The following CTNND2 variants were observed in gnomAD, a reference collection of about 807,000 sequenced individuals.
CTNND2 encodes catenin delta-2.
A neutral mutation model predicts 144.4 loss-of-function variants in CTNND2; 22 were observed. The observed-to-expected ratio is 0.15, with a 90% CI of 0.11 to 0.22. CTNND2 has a LOEUF of 0.22. Ranked by LOEUF, CTNND2 falls within the 10% of genes least tolerant of loss-of-function variation. CTNND2 has a pLI of 1.00. For missense variants in CTNND2, 1,353 were observed against 1,618.8 expected, an observed-to-expected ratio of 0.84 and a Z score of 2.82; for synonymous variants, 751 against 695.6, an observed-to-expected ratio of 1.08 and a Z score of -1.25.
intron 3 of CTNND2, among the ~76,000 whole-genome samples, chr5:11,468,347 A>C (rs1766861219): frequency 1.3e-5 from 2 of 152,230 alleles, no homozygotes; most frequent in Non-Finnish European, 2.9e-5. Flanking sequence ...ATAAAACAGA[A>C]AATCATTAAG....
intron 3 of CTNND2, among the ~76,000 whole-genome samples, chr5:11,479,311 CT>C (rs1244061175): frequency 2.6e-5 from 4 of 152,298 alleles, no homozygotes; most frequent in East Asian, 1.9e-4. Flanking sequence ...CATCCATGTT[CT>C]GGCACAGGAT....
intron 2 of CTNND2, among the ~76,000 whole-genome samples, chr5:11,638,077 C>T (rs1781806733): frequency 6.6e-6 from 1 of 152,114 alleles, no homozygotes; most frequent in Non-Finnish European, 1.5e-5. Context: ...TTAATATATT[C>T]TTAGTACTTT....
At chr5:11,301,299 G>A (rs1013862809) in intron 9 of CTNND2, among the ~76,000 whole-genome samples, 3 of 152,058 alleles carry the variant, frequency 2.0e-5, no homozygotes, top group African/African-American at 7.2e-5. Flanking sequence ...TTACAGTCAT[G>A]AGCCACCGCG....
chr5:11,770,365 T>G (rs1789847340), intron 1 of CTNND2, among the ~76,000 whole-genome samples: 1 of 143,458 alleles, frequency 7.0e-6, no homozygotes, highest in Non-Finnish European at 1.5e-5. Context: ...CCTGAAATAC[T>G]ACTGAAGATT....
At chr5:11,651,922 T>C (rs1389965895) in intron 2 of CTNND2, among the ~76,000 whole-genome samples, 2 of 152,174 alleles carry the variant, frequency 1.3e-5, no homozygotes, top group East Asian at 1.9e-4. Context: ...AGAAGGGTCT[T>C]GACTAGTCTC....
intron 2 of CTNND2, among the ~76,000 whole-genome samples, chr5:11,714,765 C>G (rs768037058): frequency 6.6e-6 from 1 of 151,654 alleles, no homozygotes. Flanking sequence ...AAAAATTAGC[C>G]GGGCATGGTG....
At chr5:11,515,282 G>A (rs1200122226) in intron 3 of CTNND2, among the ~76,000 whole-genome samples, 1 of 152,132 alleles carries the variant, frequency 6.6e-6, no homozygotes, top group African/African-American at 2.4e-5. Flanking sequence ...ACACTGGAAG[G>A]TTAATGATGT....
At chr5:11,656,464 T>C (rs1390930562) in intron 2 of CTNND2, among the ~76,000 whole-genome samples, 1 of 151,616 alleles carries the variant, frequency 6.6e-6, no homozygotes, top group Non-Finnish European at 1.5e-5. Context: ...CTATGCAACC[T>C]CATTTTTGCC....
intron 9 of CTNND2, among the ~76,000 whole-genome samples, chr5:11,333,805 T>C (rs1753449955): frequency 6.6e-6 from 1 of 152,152 alleles, no homozygotes; most frequent in South Asian, 2.1e-4. Flanking sequence ...CATGGGCTGT[T>C]TGGACGTCCT....
chr5:11,200,739 C>T (rs1426167516), intron 10 of CTNND2, among the ~76,000 whole-genome samples: 2 of 152,096 alleles, frequency 1.3e-5, no homozygotes, highest in Non-Finnish European at 2.9e-5. Flanking sequence ...AGTGCAGTGG[C>T]GCCATCTCGG....
intron 1 of CTNND2, among the ~76,000 whole-genome samples, chr5:11,898,027 A>C (rs1257272010): frequency 1.3e-5 from 2 of 152,208 alleles, no homozygotes; most frequent in Non-Finnish European, 2.9e-5. Context: ...TGCAGAGAGC[A>C]AGGCTTGGCT....
intron 12 of CTNND2, among the ~76,000 whole-genome samples, chr5:11,151,481 A>T (rs1455991797): frequency 2.0e-5 from 3 of 152,244 alleles, no homozygotes; most frequent in Non-Finnish European, 4.4e-5. Context: ...ATAATTCACT[A>T]AACTTTTTCA....
intron 12 of CTNND2, among the ~76,000 whole-genome samples, chr5:11,142,338 A>C (rs931871380): frequency 1.3e-5 from 2 of 152,174 alleles, no homozygotes; most frequent in Admixed American, 1.3e-4. Context: ...GCCCTATTCC[A>C]CAGAGAAATT....
intron 9 of CTNND2, among the ~76,000 whole-genome samples, chr5:11,340,499 C>A (rs960627825): frequency 1.3e-5 from 2 of 152,160 alleles, no homozygotes; most frequent in African/African-American, 4.8e-5. Flanking sequence ...GCTGAGGACA[C>A]ATATGTCTGA....
intron 5 of CTNND2, among the ~76,000 whole-genome samples, chr5:11,403,220 C>T (rs865989338): frequency 2.6e-5 from 4 of 152,062 alleles, no homozygotes; most frequent in Admixed American, 1.3e-4. Flanking sequence ...CATCCTCCAT[C>T]GGGCCTTGTA....
rs767935367 is a variant in CTNND2 at position 11,588,905 on chromosome 5, G to A, written c.175-23849C>T. ...CCTCCCTCCTCCCTCCCTGCACCAC[G>A]GCTAAAAGGAACCACAGAGCAGCTC... On this transcript the variant is annotated intron_variant, in intron 2 of 21. Coordinates refer to ENST00000304623, the MANE Select transcript of CTNND2 (RefSeq NM_001332.4). The A allele has an allele frequency of 6.3e-5, 62 of 985,340 alleles. No homozygotes were observed. The Middle Eastern group carries it at 2.6e-3, about 41-fold the overall frequency. 61.0% of individuals were successfully genotyped at this position (985,340 alleles called of 1,614,324 possible). A position where few individuals can be genotyped will look rare whatever the true frequency, so the allele number is the denominator to read the frequency against.
chr5:11,237,695 A>G (rs887507653), intron 9 of CTNND2, among the ~76,000 whole-genome samples: 3 of 152,176 alleles, frequency 2.0e-5, no homozygotes, highest in African/African-American at 4.8e-5. Flanking sequence ...GGTCATATCT[A>G]TTCTAGTATA....
intron 1 of CTNND2, among the ~76,000 whole-genome samples, chr5:11,812,492 C>T (rs1297344488): frequency 6.6e-6 from 1 of 152,074 alleles, no homozygotes; most frequent in Non-Finnish European, 1.5e-5. Context: ...AGCATCAATT[C>T]CTTTTCTATC....
chr5:11,384,420 G>A lies in CTNND2; in HGVS notation c.1177+245C>T. 1 of 540,498 alleles carries A rather than the reference G, an allele frequency of 1.9e-6. No homozygotes were observed. Among genetic ancestry groups the A allele is most frequent in the Non-Finnish European group, 3.3e-6 (1 of 307,098 alleles). The allele number at this position is 540,498 out of a possible 1,614,324, so 33.5% of individuals were successfully genotyped here. Reference sequence around the variant, plus strand: ...GGGAGAGGGCAGAGAGAGAAGAGAGGAGAGAAGAGAGTGATATAGGTGTTA... The same window carrying A: ...GGGAGAGGGCAGAGAGAGAAGAGAGAAGAGAAGAGAGTGATATAGGTGTTA... On this transcript the variant is annotated intron_variant, in intron 7 of 21. Coordinates refer to ENST00000304623, the MANE Select transcript of CTNND2 (RefSeq NM_001332.4). The surrounding 1 kb of genome is among the most constrained non-coding windows in gnomAD (Gnocchi z 5.2).
Sources: allele counts gnomAD v4.1 joint callset (sites outside exome capture counted in the v4.1 genomes callset), GRCh38; gene constraint gnomAD v4.1.1; non-coding constraint Gnocchi (gnomAD v3.1); transcripts MANE v1.5; gene names NCBI Gene and HGNC (gene_info 2026-07-23, HGNC 2026-07-21).